The following PRKCH variants were observed in gnomAD, a reference collection of about 807,000 sequenced individuals.
The protein encoded by PRKCH is protein kinase C eta.
In PRKCH, 28 loss-of-function variants were observed where a neutral mutation model predicts 82.5. The observed-to-expected ratio is 0.34, with a 90% CI of 0.25 to 0.47. The LOEUF is 0.47. PRKCH is among the 20% of genes least tolerant of loss of function. The pLI is 1.00. For missense variants in PRKCH, 705 were observed against 881.8 expected (o/e 0.80, Z 2.54); for synonymous variants, 322 against 327.4 (o/e 0.98, Z 0.18).
At chr14:61,383,588 T>C (rs2046543051) in intron 1 of PRKCH, among the ~76,000 whole-genome samples, 1 of 152,106 alleles carries the variant, frequency 6.6e-6, no homozygotes, top group Non-Finnish European at 1.5e-5. Context: ...TCATCTTCTG[T>C]GCTCGGTAAC....
At chr14:61,201,895 T>C (rs1237062121) in intron 1 of PRKCH, among the ~76,000 whole-genome samples, 1 of 152,200 alleles carries the variant, frequency 6.6e-6, no homozygotes, top group Non-Finnish European at 1.5e-5. Flanking sequence ...TGAAAACCAG[T>C]TACCTACAAA....
chr14:61,280,692 G>T lies in PRKCH; in HGVS notation c.-19+93024G>T. On this transcript the variant is annotated intron_variant, in intron 1 of 3. Coordinates refer to the PRKCH transcript ENST00000555185. This position sits in a 1 kb window ranked among gnomAD's most constrained non-coding sequence, Gnocchi z 5.0. ...GCGCGATGGGCAGGCCGGCCGCGCT[G>T]CGCTGGTAGGGGGCGCACTCGTTGA... 1 of 1,578,072 alleles carries T rather than the reference G, an allele frequency of 6.3e-7. No homozygotes were observed. The highest frequency in any genetic ancestry group is 1.1e-5 in the South Asian group (1 of 87,304).
At chr14:61,383,319 C>T (rs947933819) in intron 1 of PRKCH, among the ~76,000 whole-genome samples, 2 of 152,086 alleles carry the variant, frequency 1.3e-5, no homozygotes, top group Non-Finnish European at 2.9e-5. Context: ...CTTAGATCAA[C>T]TCAGCAGATA....
intron 1 of PRKCH, among the ~76,000 whole-genome samples, chr14:61,209,095 A>G (rs1005215117): frequency 2.0e-5 from 3 of 152,134 alleles, no homozygotes; most frequent in Non-Finnish European, 4.4e-5. Context: ...TGGGTTTGTT[A>G]TAAAACCCTC....
At chr14:61,196,167 G>A (rs1337401462) in intron 1 of PRKCH, among the ~76,000 whole-genome samples, 1 of 152,144 alleles carries the variant, frequency 6.6e-6, no homozygotes, top group Admixed American at 6.5e-5. Context: ...GGATCCTGGA[G>A]GGAAGGAGAA....
chr14:61,377,990 C>T (rs1351402930), intron 1 of PRKCH, among the ~76,000 whole-genome samples: 1 of 152,264 alleles, frequency 6.6e-6, no homozygotes, highest in East Asian at 1.9e-4. Context: ...TGTTTTGCCT[C>T]CAGCCTTCTC....
intron 2 of PRKCH, among the ~76,000 whole-genome samples, chr14:61,395,680 A>G (rs2140209437): frequency 6.6e-6 from 1 of 152,186 alleles, no homozygotes; most frequent in East Asian, 1.9e-4. Flanking sequence ...TGTTAGTGGG[A>G]TTTTCATTTC....
intron 1 of PRKCH, among the ~76,000 whole-genome samples, chr14:61,221,984 G>T (rs1359233743): frequency 6.6e-6 from 1 of 152,104 alleles, no homozygotes; most frequent in Non-Finnish European, 1.5e-5. Flanking sequence ...TCACCTAAGG[G>T]TTCTCTCGGG....
Position 61,547,886 on chromosome 14 carries a change from C to T in PRKCH, c.1905C>T (p.Ile635=), listed in dbSNP as rs200107413. 125 of 1,613,454 alleles carry T rather than the reference C, an allele frequency of 7.7e-5. No individual in the cohort carries two copies. The highest frequency in any genetic ancestry group is 2.2e-5 in the East Asian group (1 of 44,860). The part of the protein sequence containing the change: ...RQIEPPFRPR[I]KSREDVSNFD... ...TAGAACCGCCTTTCAGACCCAGAAT[C>T]GTAAGTGTCCCAGGCTGTCACAGAG... Residue 635 remains isoleucine (I), a splice_region_variant and synonymous_variant, in exon 13 of 14, where the codon ATC becomes ATT. Coordinates refer to ENST00000332981, the MANE Select transcript of PRKCH (RefSeq NM_006255.5).
intron 12 of PRKCH, 151 bp from the exon 13 acceptor site, chr14:61,547,592 C>CTG (rs2043274772): frequency 1.1e-6 from 1 of 905,652 alleles, no homozygotes. Flanking sequence ...TTCATACTGA[C>CTG]TGTGCTGCCT....
chr14:61,257,072 C>A (rs988300749), intron 1 of PRKCH, among the ~76,000 whole-genome samples: 2 of 152,176 alleles, frequency 1.3e-5, no homozygotes, highest in African/African-American at 4.8e-5. Flanking sequence ...TGCCTTTCTC[C>A]TTTCTCCCAG....
chr14:61,378,616 A>T (rs2140182517), intron 1 of PRKCH, among the ~76,000 whole-genome samples: 1 of 152,278 alleles, frequency 6.6e-6, no homozygotes, highest in East Asian at 1.9e-4. Flanking sequence ...TGTTAAGGAC[A>T]GCCCAGTAGA....
At chr14:61,502,078 T>TTCGAGATGGAGTC (rs1886941199) in intron 10 of PRKCH, among the ~76,000 whole-genome samples, 1 of 140,872 alleles carries the variant, frequency 7.1e-6, no homozygotes, top group Non-Finnish European at 1.5e-5. Context: ...TTTTTTTTTT[T>TTCGAGATGGAGTC]TTTTCCGAGA....
At chr14:61,320,374 C>T (rs2045599337), upstream of PRKCH, among the ~76,000 whole-genome samples, 1 of 151,940 alleles carries the variant, frequency 6.6e-6, no homozygotes, top group South Asian at 2.1e-4. Context: ...CCGAGGCAGG[C>T]GAATCACTTG....
rs546303433 is a variant in PRKCH at position 61,380,377 on chromosome 14, C to G, written c.364-10848C>G. On this transcript the variant is annotated intron_variant, in intron 1 of 13. Transcript: ENST00000332981. ...AAAGTGTTGGGATTTCAGGTGTGAG[C>G]CACTGCAGCCAACCCCTTCTTAGTT... is the stretch of plus-strand genomic sequence containing the variant. Among the ~76,000 whole-genome samples the G allele has an allele frequency of 1.5e-3, 231 of 149,192 alleles. 1 individual carries two copies. Among genetic ancestry groups the G allele is most frequent in the African/African-American group, 5.1e-3 (212 of 41,348 alleles).
intron 1 of PRKCH, among the ~76,000 whole-genome samples, chr14:61,327,583 A>G (rs2045715038): frequency 6.6e-6 from 1 of 151,986 alleles, no homozygotes; most frequent in Admixed American, 6.5e-5. Flanking sequence ...TGGCTCAGAT[A>G]TTTTCCCCTT....
At chr14:61,258,536 G>C (rs540151296) in intron 1 of PRKCH, among the ~76,000 whole-genome samples, 4 of 152,126 alleles carry the variant, frequency 2.6e-5, no homozygotes, top group Non-Finnish European at 5.9e-5. Context: ...TACCCACCCA[G>C]TGCCACATTC....
chr14:61,436,128 C>A (rs1252277046), intron 2 of PRKCH, among the ~76,000 whole-genome samples: 1 of 152,184 alleles, frequency 6.6e-6, no homozygotes, highest in African/African-American at 2.4e-5. Flanking sequence ...TGCAGATGCT[C>A]ACATGCAACG....
intron 1 of PRKCH, among the ~76,000 whole-genome samples, chr14:61,194,321 T>C (rs918634886): frequency 6.6e-6 from 1 of 152,222 alleles, no homozygotes; most frequent in African/African-American, 2.4e-5. Flanking sequence ...CAAATTCATA[T>C]GTTGAAATCC....
Sources: gnomAD v4.1 joint callset for allele counts (sites outside exome capture counted in the v4.1 genomes callset) on GRCh38, gnomAD v4.1.1 for gene constraint, Gnocchi (gnomAD v3.1) non-coding constraint, MANE v1.5 for transcripts, NCBI Gene and HGNC (gene_info 2026-07-23, HGNC 2026-07-21) for gene names.